Variants in TACR1 observed in about 807,000 individuals in gnomAD.
The protein encoded by TACR1 is tachykinin receptor 1.
In TACR1, 25 loss-of-function variants were observed where a neutral mutation model predicts 35.8. The ratio of observed to expected loss-of-function variants is 0.70; its 90% CI spans 0.51 to 0.98. The LOEUF is 0.98. Among genes scored for constraint, TACR1 ranks in the 50% least tolerant of loss-of-function variants. The probability of loss-of-function intolerance (pLI) is 0.00; values close to 1 mark genes in which losing one functional copy is unlikely to be tolerated. For missense variants in TACR1, 478 were observed against 522.9 expected (o/e 0.91, Z 0.84); for synonymous variants, 195 against 206.7 (o/e 0.94, Z 0.48).
intron 1 of TACR1, among the ~76,000 whole-genome samples, chr2:75,171,823 T>C (rs12713836): frequency 0.53 from 80,018 of 152,036 alleles, 21,696 homozygotes; most frequent in Non-Finnish European, 0.57. Flanking sequence ...TTATCCCCGT[T>C]GTATCTAGGA....
chr2:75,131,366 G>A (rs1674174431), intron 1 of TACR1, among the ~76,000 whole-genome samples: 1 of 152,040 alleles, frequency 6.6e-6, no homozygotes, highest in African/African-American at 2.4e-5. Context: ...GGGATTACAG[G>A]TGTGAGCCCC....
intron 1 of TACR1, among the ~76,000 whole-genome samples, chr2:75,176,923 C>T (rs1288508162): frequency 6.6e-6 from 1 of 152,226 alleles, no homozygotes; most frequent in African/African-American, 2.4e-5. Flanking sequence ...CCTGCTCTCC[C>T]TGACCCCCAA....
chr2:75,185,147 G>A (rs1675660341), intron 1 of TACR1, among the ~76,000 whole-genome samples: 1 of 151,886 alleles, frequency 6.6e-6, no homozygotes, highest in South Asian at 2.1e-4. Flanking sequence ...AATCTGTAGG[G>A]AAATGATCAA....
intron 1 of TACR1, among the ~76,000 whole-genome samples, chr2:75,155,578 A>G (rs1449492112): frequency 1.3e-5 from 2 of 152,176 alleles, no homozygotes; most frequent in African/African-American, 4.8e-5. Context: ...CTCCTGTTCT[A>G]AGGGTCACAT....
chr2:75,113,212 T>A (rs17010754), intron 2 of TACR1, among the ~76,000 whole-genome samples: 108,998 of 152,102 alleles, frequency 0.72, 39,848 homozygotes, highest in African/African-American at 0.86. Flanking sequence ...CATCCATTTA[T>A]TCTTATTGTG....
chr2:75,105,363 G>A (rs1177304775), intron 2 of TACR1, among the ~76,000 whole-genome samples: 1 of 152,016 alleles, frequency 6.6e-6, no homozygotes, highest in Non-Finnish European at 1.5e-5. Flanking sequence ...TAGAATGGTA[G>A]TTTCTAGGGG....
chr2:75,080,144 A>C (rs565300601), intron 2 of TACR1, among the ~76,000 whole-genome samples: 1 of 152,338 alleles, frequency 6.6e-6, no homozygotes, highest in Admixed American at 6.5e-5. Flanking sequence ...TCTAAATGCA[A>C]CTAGAACTTT....
At chr2:75,078,520 TTTA>T (rs1415859137) in intron 2 of TACR1, among the ~76,000 whole-genome samples, 1 of 152,142 alleles carries the variant, frequency 6.6e-6, no homozygotes, top group Non-Finnish European at 1.5e-5. Flanking sequence ...TTGTCTCTAT[TTTA>T]TTATTTTTTT....
In TACR1 at chr2:75,048,148, T is replaced by G. The variant is rs1375298962; in HGVS notation, c.*1284A>C. The G allele has an allele frequency of 6.6e-6, 1 of 152,222 alleles. No homozygotes were observed. Among genetic ancestry groups the G allele is most frequent in the Non-Finnish European group, 1.5e-5 (1 of 68,054 alleles). 9.4% of individuals were successfully genotyped at this position (152,222 alleles called of 1,614,324 possible). ...AAGCCATGGAGCAGGGAGGAGACAT[T>G]CAGAGAGTCTGAAGGGAAGATGCAA... On this transcript the variant is annotated 3_prime_UTR_variant, in exon 5 of 5. Transcript: ENST00000305249.
intron 1 of TACR1, among the ~76,000 whole-genome samples, chr2:75,178,664 G>T (rs1476238713): frequency 6.6e-6 from 1 of 152,048 alleles, no homozygotes; most frequent in Non-Finnish European, 1.5e-5. Flanking sequence ...AGCCACTCTT[G>T]AGTAAGTAAT....
intron 1 of TACR1, among the ~76,000 whole-genome samples, chr2:75,121,367 T>G (rs1558560218): frequency 1.3e-5 from 2 of 152,320 alleles, no homozygotes; most frequent in Non-Finnish European, 2.9e-5. Context: ...CTATACATAC[T>G]TCGTGAAGAG....
intron 2 of TACR1, among the ~76,000 whole-genome samples, chr2:75,106,521 A>C (rs560175218): frequency 6.6e-6 from 1 of 152,056 alleles, no homozygotes; most frequent in African/African-American, 2.4e-5. Context: ...GAATGCTGAC[A>C]TATATTGTAG....
chr2:75,186,987 C>T (rs1049474752), intron 1 of TACR1: 2 of 152,222 alleles, frequency 1.3e-5, no homozygotes, highest in Non-Finnish European at 2.9e-5. Context: ...ACATGTGGGT[C>T]CAGACAGACC....
In TACR1 at chr2:75,051,273, T is replaced by C; in HGVS notation, c.910A>G (p.Ile304Val). The change falls in exon 4 of 5, where the codon ATC (isoleucine) becomes GTC (valine). Residue 304 changes from isoleucine (I) to valine (V), a missense_variant. Physicochemically the swap from Ile to Val is conservative, Grantham distance 29 (BLOSUM62 3). Coordinates refer to ENST00000305249, the MANE Select transcript of TACR1 (RefSeq NM_001058.4). ...AMSSTMYNPI[I>V]YCCLNDRFRL... Reference sequence around the variant, plus strand: ...CACCTGTCATTGAGGCAGCAGTAGATGATGGGGTTGTACATGGTGGAGCTC... The same window carrying C: ...CACCTGTCATTGAGGCAGCAGTAGACGATGGGGTTGTACATGGTGGAGCTC... 3 of 1,614,222 alleles carry C rather than the reference T, an allele frequency of 1.9e-6. No homozygotes were observed. In the South Asian group the frequency reaches 3.3e-5, roughly 18 times the overall value.
chr2:75,056,462 G>A (rs1192008948), intron 2 of TACR1, among the ~76,000 whole-genome samples: 2 of 152,168 alleles, frequency 1.3e-5, no homozygotes, highest in Non-Finnish European at 2.9e-5. Context: ...ATTCAAACCA[G>A]CCAATCTTAA....
chr2:75,150,225 T>A (rs951582050), intron 1 of TACR1, among the ~76,000 whole-genome samples: 1 of 152,240 alleles, frequency 6.6e-6, no homozygotes, highest in Non-Finnish European at 1.5e-5. Context: ...TGAATTGCCC[T>A]TGAAAAGCTC....
At chr2:75,169,068 AC>A (rs531219574) in intron 1 of TACR1, among the ~76,000 whole-genome samples, 5 of 152,304 alleles carry the variant, frequency 3.3e-5, no homozygotes, top group African/African-American at 1.2e-4. Flanking sequence ...ACTTATTTCT[AC>A]CTTCCCAACC....
rs544886150 is a variant in TACR1, at chr2:75,077,170, A to G, written c.585-23415T>C. On this transcript the variant is annotated intron_variant, in intron 2 of 4. Coordinates refer to ENST00000305249, the MANE Select transcript of TACR1 (RefSeq NM_001058.4). ...TTTTTAGTAGAGATGGGGTTTCTCCATGTTGGTCAGGCTGGTCTCGAATTC... is the reference window on the plus strand; with the variant it reads ...TTTTTAGTAGAGATGGGGTTTCTCCGTGTTGGTCAGGCTGGTCTCGAATTC... 6.6e-5 allele frequency among the ~76,000 whole-genome samples: 10 copies of G among 152,224 alleles called. No individual in the cohort carries two copies. In the East Asian group the frequency reaches 1.7e-3, roughly 27 times the overall value.
chr2:75,198,852 G>C lies in TACR1; in HGVS notation c.83C>G (p.Pro28Arg). 6.2e-7 allele frequency: 1 copy of C among 1,614,140 alleles called. No individual in the cohort carries two copies. Among genetic ancestry groups the C allele is most frequent in the South Asian group, 1.1e-5 (1 of 91,074 alleles). Reference sequence around the variant, plus strand: ...TGCCCAAAGGACAATTTGCCAGGCTGGTTGCACGAACTGATTGGGTTCCGA... The same window carrying C: ...TGCCCAAAGGACAATTTGCCAGGCTCGTTGCACGAACTGATTGGGTTCCGA... ...NTSEPNQFVQ[P>R]AWQIVLWAAA... is the part of the protein sequence containing the mutation. The change falls in exon 1 of 5, where the codon CCA becomes CGA. Residue 28 changes from proline to arginine, a missense_variant. Transcript: ENST00000305249.
Sources: gnomAD v4.1 joint callset for allele counts (sites outside exome capture counted in the v4.1 genomes callset) on GRCh38, gnomAD v4.1.1 for gene constraint, MANE v1.5 for transcripts, NCBI Gene and HGNC (gene_info 2026-07-23, HGNC 2026-07-21) for gene names.